Variants in TTLL7 observed in about 807,000 individuals in gnomAD.
TTLL7 encodes tubulin polyglutamylase TTLL7.
TTLL7 carries 53 observed loss-of-function variants against 120.2 expected under a neutral mutation model. The observed-to-expected ratio is 0.44, with a 90% CI of 0.35 to 0.55. TTLL7 has a LOEUF of 0.55. Ranked by LOEUF, TTLL7 falls within the 20% of genes least tolerant of loss-of-function variation. The probability of loss-of-function intolerance (pLI) is 0.00; values close to 1 mark genes in which losing one functional copy is unlikely to be tolerated. For missense variants in TTLL7, 803 were observed against 1,054.7 expected, an observed-to-expected ratio of 0.76 and a Z score of 3.31; for synonymous variants, 353 against 351.7, an observed-to-expected ratio of 1.00 and a Z score of -0.04.
intron 12 of TTLL7, 77 bp from the exon 13 acceptor site, chr1:83,919,911 A>C (rs1267799597): frequency 7.1e-7 from 1 of 1,400,322 alleles, no homozygotes; most frequent in African/African-American, 1.4e-5. Context: ...CTCCATAGAC[A>C]ATCCTTGACC....
chr1:83,990,048 C>A (rs1422384744), intron 1 of TTLL7, among the ~76,000 whole-genome samples: 1 of 151,930 alleles, frequency 6.6e-6, no homozygotes, highest in Non-Finnish European at 1.5e-5. Flanking sequence ...GGTCTTTTAT[C>A]CTGAAACTGT....
intron 16 of TTLL7, among the ~76,000 whole-genome samples, chr1:83,907,236 C>A (rs1482089429): frequency 6.6e-6 from 1 of 152,064 alleles, no homozygotes; most frequent in Admixed American, 6.6e-5. Context: ...TAATGCTATT[C>A]TCAGTGCTCA....
At position 83,951,963 on chromosome 1, in the gene TTLL7, G is replaced by A. The variant is rs759072807; in HGVS notation, c.39C>T (p.Pro13=). ...SLPQEGVIQG[P]SPLDLNTELP... ...ATTCTGTATTCAAATCCAGGGGAGA[G>A]GGTCCCTGAATAACTTTAAAAAAAT... Residue 13 remains proline (P), a synonymous_variant, in exon 3 of 21, where the codon CCC becomes CCT. Coordinates refer to ENST00000260505, the MANE Select transcript of TTLL7 (RefSeq NM_024686.6). The A allele has an allele frequency of 2.5e-6, 4 of 1,606,492 alleles. No homozygotes were observed. The highest frequency in any genetic ancestry group is 2.3e-5 in the South Asian group (2 of 88,654).
At chr1:83,892,909 AAG>A (rs1475047321) in intron 18 of TTLL7, among the ~76,000 whole-genome samples, 1 of 117,180 alleles carries the variant, frequency 8.5e-6, no homozygotes, top group Non-Finnish European at 1.6e-5. Flanking sequence ...AAGAAGGAAA[AAG>A]AAAAAAGAAA....
At chr1:83,984,765 A>C (rs1450539917) in intron 1 of TTLL7, among the ~76,000 whole-genome samples, 3 of 152,056 alleles carry the variant, frequency 2.0e-5, no homozygotes, top group Non-Finnish European at 4.4e-5. Context: ...GACTCTGGGG[A>C]CTACTAGAGA....
At chr1:83,997,978 T>A (rs1454206957) in intron 1 of TTLL7, among the ~76,000 whole-genome samples, 5 of 152,226 alleles carry the variant, frequency 3.3e-5, no homozygotes, top group Non-Finnish European at 7.3e-5. Context: ...TCTTTCATAT[T>A]GAAGGAGCAA....
intron 4 of TTLL7, 67 bp downstream of exon 4, chr1:83,949,798 T>TA: frequency 6.4e-7 from 1 of 1,571,510 alleles, no homozygotes; most frequent in Admixed American, 1.8e-5. Context: ...AGAACCTATC[T>TA]AAAAAAGTTA....
intron 6 of TTLL7, among the ~76,000 whole-genome samples, chr1:83,946,864 C>CT (rs1648553579): frequency 6.6e-6 from 1 of 152,112 alleles, no homozygotes; most frequent in Non-Finnish European, 1.5e-5. Context: ...CAGAGAATAG[C>CT]TTTTTCCCCT....
intron 1 of TTLL7, among the ~76,000 whole-genome samples, chr1:83,964,167 C>T (rs1427582142): frequency 6.6e-6 from 1 of 152,098 alleles, no homozygotes. Flanking sequence ...AACTTTAGCT[C>T]ACTTTAAAAT....
intron 10 of TTLL7, among the ~76,000 whole-genome samples, chr1:83,927,507 C>A (rs1388507894): frequency 6.6e-6 from 1 of 151,970 alleles, no homozygotes; most frequent in African/African-American, 2.4e-5. Flanking sequence ...AATGGGCAAG[C>A]TATGTGGGAA....
At position 83,929,099 on chromosome 1, in the gene TTLL7, GGAGATAAATGTCCAAAAGATA is replaced by G. The variant is rs1659375062; in HGVS notation, c.1142+16_1142+36del. The G allele has an allele frequency of 7.4e-7, 1 of 1,346,626 alleles. No homozygotes were observed. Among genetic ancestry groups the G allele is most frequent in the East Asian group, 2.4e-5 (1 of 41,322 alleles). 83.4% of individuals were successfully genotyped at this position (1,346,626 alleles called of 1,614,324 possible). A position where few individuals can be genotyped will look rare whatever the true frequency, so the allele number is the denominator to read the frequency against. ...CAAATGATTAATCTATGTCAAATGTGGAGATAAATGTCCAAAAGATAGAGAGAGTATTTTACCTTATGTTTA... is the reference window on the plus strand; with the variant it reads ...CAAATGATTAATCTATGTCAAATGTGGAGAGAGTATTTTACCTTATGTTTA... On this transcript the variant is annotated intron_variant, in intron 10 of 20. Transcript: ENST00000260505.
intron 15 of TTLL7, 48 bp downstream of exon 15, chr1:83,911,117 G>C: frequency 6.7e-7 from 1 of 1,488,234 alleles, no homozygotes; most frequent in Non-Finnish European, 9.3e-7. Flanking sequence ...AATAATTTCA[G>C]TTCCATAATT....
chr1:83,986,825 G>C (rs539306586), intron 1 of TTLL7, among the ~76,000 whole-genome samples: 2 of 151,930 alleles, frequency 1.3e-5, no homozygotes, highest in Non-Finnish European at 2.9e-5. Context: ...GGGCAACAAA[G>C]CAAGACTCCA....
chr1:83,952,417 GA>G (rs1050359802), intron 1 of TTLL7, 30 bp from the exon 2 acceptor site: 8 of 463,184 alleles, frequency 1.7e-5, no homozygotes, highest in Admixed American at 4.1e-5. Flanking sequence ...AGGTCATTTA[GA>G]AAAAACTTTT....
At chr1:83,941,120 C>T (rs1376990434) in intron 7 of TTLL7, among the ~76,000 whole-genome samples, 1 of 152,190 alleles carries the variant, frequency 6.6e-6, no homozygotes, top group Non-Finnish European at 1.5e-5. Flanking sequence ...CTGAACCTGG[C>T]TAACTCCTCA....
At chr1:83,892,932 AAG>A (rs1655875725) in intron 18 of TTLL7, among the ~76,000 whole-genome samples, 1 of 114,130 alleles carries the variant, frequency 8.8e-6, no homozygotes, top group Non-Finnish European at 1.6e-5. Context: ...GAAAAAGAGA[AAG>A]AAAGAAAGAA....
At chr1:83,990,164 T>C (rs936324748) in intron 1 of TTLL7, among the ~76,000 whole-genome samples, 16 of 140,288 alleles carry the variant, frequency 1.1e-4, no homozygotes, top group African/African-American at 4.2e-4. Context: ...CTTATTTGGA[T>C]GCCTTTTTTT....
At chr1:83,955,707 T>C (rs1226398151) in intron 1 of TTLL7, among the ~76,000 whole-genome samples, 1 of 152,204 alleles carries the variant, frequency 6.6e-6, no homozygotes, top group Non-Finnish European at 1.5e-5. Context: ...GCTAAGACAC[T>C]GAGTTAATAA....
In TTLL7 at chr1:83,872,108, G is replaced by T. The variant is rs181096359; in HGVS notation, c.2544-2026C>A. On this transcript the variant is annotated intron_variant, in intron 20 of 20. Coordinates refer to ENST00000260505, the MANE Select transcript of TTLL7 (RefSeq NM_024686.6). ...GAAATGCATTATAATCAAACTATAC[G>T]CAGCATTCAGATTAAAATAGCAGAA... is the stretch of plus-strand genomic sequence containing the variant. 6.0e-4 allele frequency among the ~76,000 whole-genome samples: 92 copies of T among 152,106 alleles called. 1 individual carries two copies. Among genetic ancestry groups the T allele is most frequent in the Non-Finnish European group, 3.5e-4 (24 of 67,972 alleles).
Sources: allele counts gnomAD v4.1 joint callset (sites outside exome capture counted in the v4.1 genomes callset), GRCh38; gene constraint gnomAD v4.1.1; transcripts MANE v1.5; gene names NCBI Gene and HGNC (gene_info 2026-07-23, HGNC 2026-07-21).